Variants in CDH4 observed in about 807,000 individuals in gnomAD.
CDH4 encodes cadherin-4.
CDH4 carries 33 observed loss-of-function variants against 86.0 expected under a neutral mutation model. The ratio of observed to expected loss-of-function variants is 0.38; its 90% CI spans 0.29 to 0.51. CDH4 has a LOEUF of 0.51. CDH4 is among the 20% of genes least tolerant of loss of function. CDH4 has a pLI of 0.86. For missense variants in CDH4, 1,114 were observed against 1,307.4 expected (o/e 0.85, Z 2.28); for synonymous variants, 555 against 549.4 (o/e 1.01, Z -0.14).
chr20:61,456,485 C>T (rs562335332), intron 2 of CDH4, among the ~76,000 whole-genome samples: 1 of 152,184 alleles, frequency 6.6e-6, no homozygotes, highest in Non-Finnish European at 1.5e-5. Context: ...GTAGAGTCCA[C>T]CCTGGGGATA....
intron 2 of CDH4, among the ~76,000 whole-genome samples, chr20:61,539,382 G>T (rs2145653228): frequency 6.6e-6 from 1 of 152,328 alleles, no homozygotes; most frequent in East Asian, 1.9e-4. Context: ...CGAAACCCAA[G>T]ACTAAGGTGT....
chr20:61,332,801 C>T (rs756005242), intron 2 of CDH4, among the ~76,000 whole-genome samples: 35 of 152,214 alleles, frequency 2.3e-4, no homozygotes, highest in South Asian at 1.0e-3. Flanking sequence ...CCGGCTGTGG[C>T]GCCAGTCCTT....
chr20:61,288,387 C>G (rs768955626), intron 2 of CDH4, among the ~76,000 whole-genome samples: 2 of 152,188 alleles, frequency 1.3e-5, no homozygotes, highest in Non-Finnish European at 2.9e-5. Flanking sequence ...AAAGCGGTGG[C>G]CATTGGTTGC....
intron 3 of CDH4, 93 bp from the exon 4 acceptor site, chr20:61,772,910 C>G: frequency 9.1e-7 from 1 of 1,100,830 alleles, no homozygotes; most frequent in Non-Finnish European, 1.3e-6. Context: ...CTCTCAGTCT[C>G]GGGCAGTACA....
At chr20:61,836,999 G>C (rs1384018555) in intron 4 of CDH4, among the ~76,000 whole-genome samples, 1 of 152,344 alleles carries the variant, frequency 6.6e-6, no homozygotes, top group African/African-American at 2.4e-5. Flanking sequence ...TTTGAGACCA[G>C]ACTGGCCAAC....
intron 2 of CDH4, among the ~76,000 whole-genome samples, chr20:61,737,224 T>C (rs1342122316): frequency 6.6e-6 from 1 of 152,178 alleles, no homozygotes; most frequent in Non-Finnish European, 1.5e-5. Flanking sequence ...GAGCAGCTTC[T>C]GTTCTCTGGT....
intron 3 of CDH4, among the ~76,000 whole-genome samples, chr20:61,758,819 G>A (rs932978818): frequency 1.3e-5 from 2 of 152,188 alleles, no homozygotes; most frequent in African/African-American, 4.8e-5. Context: ...GGGCGCACAG[G>A]CGTGGTGCGG....
chr20:61,399,119 CTTT>C (rs926368033), intron 2 of CDH4, among the ~76,000 whole-genome samples: 1 of 77,054 alleles, frequency 1.3e-5, no homozygotes, highest in Admixed American at 1.6e-4. Context: ...GAAAAACCCA[CTTT>C]TTTTTTTTTT....
intron 6 of CDH4, among the ~76,000 whole-genome samples, chr20:61,857,883 C>G (rs116230952): frequency 0.013 from 1,990 of 151,596 alleles, 48 homozygotes; most frequent in African/African-American, 0.043. Flanking sequence ...ATTGGTGTGT[C>G]TGTGTGTGTG....
Position 61,923,611 on chromosome 20 carries a change from A to C in CDH4, c.1535A>C (p.Lys512Thr). 6.2e-7 allele frequency: 1 copy of C among 1,614,076 alleles called. No homozygotes were observed. The highest frequency in any genetic ancestry group is 1.1e-5 in the South Asian group (1 of 91,076). The change falls in exon 10 of 16, where the codon AAG (lysine) becomes ACG (threonine). Residue 512 changes from lysine to threonine, a missense_variant. Around this residue, in one of 3 missense-constraint regions of CDH4, gnomAD observed 705 missense variants for 914.1 expected, o/e 0.77. Transcript: ENST00000614565. ...GCTCCCTACTTCCCCTCAAACCACAAGCTGATCCGCCTGGAGGAGGGCGTG... is the reference window on the plus strand; with the variant it reads ...GCTCCCTACTTCCCCTCAAACCACACGCTGATCCGCCTGGAGGAGGGCGTG... ...NEAPYFPSNH[K>T]LIRLEEGVPP...
At chr20:61,427,199 C>T (rs1361123985) in intron 2 of CDH4, among the ~76,000 whole-genome samples, 2 of 152,218 alleles carry the variant, frequency 1.3e-5, no homozygotes, top group Non-Finnish European at 2.9e-5. Context: ...GTTCCACATT[C>T]CCAGCGTTGC....
intron 2 of CDH4, among the ~76,000 whole-genome samples, chr20:61,511,920 A>T (rs2085783175): frequency 6.6e-6 from 1 of 152,160 alleles, no homozygotes; most frequent in South Asian, 2.1e-4. Flanking sequence ...TACATTCCTG[A>T]TAAGATCCCT....
At chr20:61,382,731 G>A (rs2084910992) in intron 2 of CDH4, among the ~76,000 whole-genome samples, 2 of 152,116 alleles carry the variant, frequency 1.3e-5, no homozygotes, top group African/African-American at 2.4e-5. Flanking sequence ...TCTTCATGTG[G>A]TTCTCCTCGG....
intron 12 of CDH4, among the ~76,000 whole-genome samples, chr20:61,928,852 G>A (rs570116782): frequency 2.6e-5 from 4 of 152,186 alleles, no homozygotes; most frequent in Non-Finnish European, 4.4e-5. Context: ...CTTCCATCGG[G>A]AGAGTGCCTG....
intron 2 of CDH4, among the ~76,000 whole-genome samples, chr20:61,286,837 G>A (rs907888183): frequency 2.0e-5 from 3 of 152,228 alleles, no homozygotes; most frequent in African/African-American, 7.2e-5. Context: ...TTGTTTGTTT[G>A]TTTGTTGGTC....
intron 4 of CDH4, among the ~76,000 whole-genome samples, chr20:61,826,962 AGTGTGTGTGTGTGTGTGTGT>A (rs11470719): frequency 1.3e-4 from 19 of 146,086 alleles, no homozygotes; most frequent in African/African-American, 2.9e-4. Flanking sequence ...AGAAGGGAAA[AGTGTGTGTGTGTGTGTGTGT>A]GTGTGTGTGT....
At chr20:61,345,339 C>T (rs6015952) in intron 2 of CDH4, among the ~76,000 whole-genome samples, 30,127 of 152,140 alleles carry the variant, frequency 0.2, 2,968 homozygotes, top group Middle Eastern at 0.35. Context: ...CACCACCCCG[C>T]GATGATGAGC....
intron 2 of CDH4, among the ~76,000 whole-genome samples, chr20:61,443,178 C>G (rs990212428): frequency 1.3e-5 from 2 of 152,254 alleles, no homozygotes; most frequent in African/African-American, 4.8e-5. Context: ...ACCTGGAAGG[C>G]TGGGCATATT....
At chr20:61,292,558 A>C (rs1387585708) in intron 2 of CDH4, among the ~76,000 whole-genome samples, 1 of 152,146 alleles carries the variant, frequency 6.6e-6, no homozygotes, top group Non-Finnish European at 1.5e-5. Flanking sequence ...CGTCCAGTGG[A>C]TGGAGGCTGG....
Sources: gnomAD v4.1 joint callset for allele counts (sites outside exome capture counted in the v4.1 genomes callset) on GRCh38, gnomAD v4.1.1 for gene constraint, gnomAD v4.1.1 regional missense constraint, MANE v1.5 for transcripts, NCBI Gene and HGNC (gene_info 2026-07-23, HGNC 2026-07-21) for gene names.